ATP13A4: variants seen among roughly 807,000 people sequenced by gnomAD.
The protein encoded by ATP13A4 is ATPase 13A4.
In ATP13A4, 114 loss-of-function variants were observed where a neutral mutation model predicts 142.5. The ratio of observed to expected loss-of-function variants is 0.80; its 90% CI spans 0.69 to 0.93. The LOEUF is 0.93. Ranked by LOEUF, ATP13A4 falls within the 40% of genes least tolerant of loss-of-function variation. The probability of loss-of-function intolerance (pLI) is 0.00; values close to 1 mark genes in which losing one functional copy is unlikely to be tolerated. For synonymous variants in ATP13A4, 488 were observed against 514.8 expected (o/e 0.95, Z 0.70); for missense variants, 1,392 against 1,454.0 (o/e 0.96, Z 0.69).
intron 2 of ATP13A4, among the ~76,000 whole-genome samples, chr3:193,563,322 A>G (rs2108737632): frequency 6.6e-6 from 1 of 152,310 alleles, no homozygotes; most frequent in Non-Finnish European, 1.5e-5. Context: ...TCACCAGCCT[A>G]ATCTACCTGC....
chr3:193,419,878 G>A (rs192593487), intron 25 of ATP13A4, among the ~76,000 whole-genome samples: 1 of 150,118 alleles, frequency 6.7e-6, no homozygotes, highest in Non-Finnish European at 1.5e-5. Context: ...AGTGATAGCT[G>A]TGCCATTTTG....
At chr3:193,572,554 G>A (rs1231902893) in intron 2 of ATP13A4, among the ~76,000 whole-genome samples, 1 of 152,086 alleles carries the variant, frequency 6.6e-6, no homozygotes. Context: ...CGGTTTAGTG[G>A]GACGCCTCTG....
Position 193,583,653 on chromosome 3 carries a change from G to A in ATP13A4, n.92-1747C>T, listed in dbSNP as rs529579832. 1.3e-3 allele frequency among the ~76,000 whole-genome samples: 143 copies of A among 107,230 alleles called. 1 individual carries two copies. The highest frequency in any genetic ancestry group is 5.6e-3 in the African/African-American group (131 of 23,236). 70.3% of individuals were successfully genotyped at this position (107,230 alleles called of 152,430 possible). ...ATTGTATCTTTGAATTTATTACAGG[G>A]ACAAGAAAAAAAATCAGACAATAAG... On this transcript the variant is annotated intron_variant and non_coding_transcript_variant, in intron 1 of 3. Coordinates refer to the ATP13A4 transcript ENST00000489140.
At chr3:193,566,539 C>T (rs1040954151) in intron 2 of ATP13A4, among the ~76,000 whole-genome samples, 3 of 152,180 alleles carry the variant, frequency 2.0e-5, no homozygotes, top group Non-Finnish European at 4.4e-5. Context: ...GAGCCTGGCA[C>T]CCCTTTCCCT....
chr3:193,551,778 T>C (rs572693945), intron 1 of ATP13A4, among the ~76,000 whole-genome samples: 1 of 152,318 alleles, frequency 6.6e-6, no homozygotes, highest in African/African-American at 2.4e-5. Context: ...CCTCGAAGCC[T>C]TTCTGAGGCA....
At chr3:193,417,683 A>ATATAATCTCTCTC (rs1392685909) in intron 25 of ATP13A4, among the ~76,000 whole-genome samples, 1 of 151,006 alleles carries the variant, frequency 6.6e-6, no homozygotes, top group Admixed American at 6.7e-5. Context: ...CTACCCAGAG[A>ATATAATCTCTCTC]CATTAGACAA....
At chr3:193,488,146 C>A (rs1438796322) in intron 7 of ATP13A4, among the ~76,000 whole-genome samples, 1 of 152,112 alleles carries the variant, frequency 6.6e-6, no homozygotes, top group Non-Finnish European at 1.5e-5. Context: ...TGCCTGTAAT[C>A]CCAGCTACTT....
intron 23 of ATP13A4, among the ~76,000 whole-genome samples, 182 bp downstream of exon 23, chr3:193,438,293 C>G (rs1404794946): frequency 6.6e-6 from 1 of 152,076 alleles, no homozygotes; most frequent in African/African-American, 2.4e-5. Flanking sequence ...CACTGCTCTC[C>G]CAATGTTATT....
chr3:193,412,283 T>C lies in ATP13A4; in HGVS notation c.3103A>G (p.Ser1035Gly), dbSNP rs747561796. 2.5e-6 allele frequency: 4 copies of C among 1,613,704 alleles called. No individual in the cohort carries two copies. Among genetic ancestry groups the C allele is most frequent in the African/African-American group, 1.3e-5 (1 of 75,040 alleles). Residue 1035 changes from serine (S) to glycine (G), a missense_variant, in exon 27 of 30, where the codon AGT becomes GGT. Physicochemically the swap from Ser to Gly is moderately conservative, Grantham distance 56 (BLOSUM62 0). Transcript: ENST00000342695. ...EKMESNSTFTSFENTTVWFLG... is the reference protein window; with the variant it reads ...EKMESNSTFTGFENTTVWFLG... The stretch of plus-strand genomic sequence containing the variant: ...AACCAGACTGTAGTGTTCTCAAAAC[T>C]TGTGAAGGTGCTATTACTTTCCATT...
chr3:193,543,115 C>T (rs988099710), intron 1 of ATP13A4, among the ~76,000 whole-genome samples: 1 of 150,560 alleles, frequency 6.6e-6, no homozygotes, highest in Non-Finnish European at 1.5e-5. Context: ...TTGTAGTGAG[C>T]TGAGATCGCA....
chr3:193,546,529 G>A (rs979725623), intron 1 of ATP13A4, among the ~76,000 whole-genome samples: 2 of 152,108 alleles, frequency 1.3e-5, no homozygotes, highest in Admixed American at 6.5e-5. Context: ...CTGGTGTTTT[G>A]GTAACATTAT....
intron 25 of ATP13A4, among the ~76,000 whole-genome samples, chr3:193,421,803 C>T (rs886119169): frequency 6.7e-6 from 1 of 149,026 alleles, no homozygotes; most frequent in African/African-American, 2.5e-5. Context: ...AATACACAAA[C>T]AATAAAGAGA....
chr3:193,484,283 C>G (rs1046638077), intron 7 of ATP13A4, among the ~76,000 whole-genome samples: 1 of 151,436 alleles, frequency 6.6e-6, no homozygotes, highest in African/African-American at 2.4e-5. Flanking sequence ...GAACTCCAGC[C>G]TGGGCGACAG....
At chr3:193,499,178 G>A (rs768517051) in intron 3 of ATP13A4, among the ~76,000 whole-genome samples, 9 of 152,188 alleles carry the variant, frequency 5.9e-5, no homozygotes, top group Non-Finnish European at 7.4e-5. Flanking sequence ...CAGCAAGGTT[G>A]ATTGAAACAT....
chr3:193,435,768 A>C, intron 23 of ATP13A4, 24 bp from the exon 24 acceptor site: 2 of 1,584,498 alleles, frequency 1.3e-6, no homozygotes, highest in East Asian at 4.5e-5. Context: ...GAAATGATAA[A>C]GACATGAAAG....
At chr3:193,494,419 A>AT (rs1235122184) in intron 3 of ATP13A4, among the ~76,000 whole-genome samples, 1 of 152,000 alleles carries the variant, frequency 6.6e-6, no homozygotes, top group Non-Finnish European at 1.5e-5. Context: ...CATATCAAGT[A>AT]TTTTTTTCTG....
chr3:193,534,469 TAACA>T (rs1412635324), intron 1 of ATP13A4, among the ~76,000 whole-genome samples: 1 of 151,680 alleles, frequency 6.6e-6, no homozygotes. Flanking sequence ...AAAACTACTA[TAACA>T]ATTACAAGCA....
At chr3:193,421,262 A>T (rs768986356) in intron 25 of ATP13A4, among the ~76,000 whole-genome samples, 2 of 149,802 alleles carry the variant, frequency 1.3e-5, no homozygotes, top group African/African-American at 2.5e-5. Context: ...GTGAGATGAT[A>T]TATTCAAGGT....
intron 28 of ATP13A4, among the ~76,000 whole-genome samples, chr3:193,409,458 T>C (rs1166677962): frequency 1.3e-5 from 2 of 152,232 alleles, no homozygotes; most frequent in Non-Finnish European, 2.9e-5. Context: ...AAATTAAATA[T>C]GTTCCCTATT....
Sources: allele counts gnomAD v4.1 joint callset (sites outside exome capture counted in the v4.1 genomes callset), GRCh38; gene constraint gnomAD v4.1.1; transcripts MANE v1.5; gene names NCBI Gene and HGNC (gene_info 2026-07-23, HGNC 2026-07-21).